Variants in NKAIN2 observed in about 807,000 individuals in gnomAD.
NKAIN2 encodes sodium/potassium transporting ATPase interacting 2.
A neutral mutation model predicts 32.6 loss-of-function variants in NKAIN2; 14 were observed. The observed-to-expected ratio is 0.43, with a 90% CI of 0.28 to 0.67. NKAIN2 has a LOEUF of 0.67. NKAIN2 is among the 30% of genes least tolerant of loss of function. NKAIN2 has a pLI of 0.17. For missense variants in NKAIN2, 198 were observed against 258.3 expected (o/e 0.77, Z 1.60); for synonymous variants, 80 against 87.2 (o/e 0.92, Z 0.46).
chr6:124,571,664 G>GGT (rs1781132931), intron 3 of NKAIN2, among the ~76,000 whole-genome samples: 1 of 151,966 alleles, frequency 6.6e-6, no homozygotes, highest in Non-Finnish European at 1.5e-5. Flanking sequence ...CCCAGTCTTG[G>GGT]GTATGTCTTT....
chr6:124,583,730 G>T (rs1781608094), intron 3 of NKAIN2, among the ~76,000 whole-genome samples: 1 of 152,158 alleles, frequency 6.6e-6, no homozygotes, highest in Non-Finnish European at 1.5e-5. Flanking sequence ...CACATTATTT[G>T]ATCTCAAATT....
At chr6:124,778,334 T>C (rs1244255009) in intron 4 of NKAIN2, among the ~76,000 whole-genome samples, 1 of 151,738 alleles carries the variant, frequency 6.6e-6, no homozygotes, top group Admixed American at 6.6e-5. Context: ...TAGCACTTGA[T>C]AGCAATTTTT....
chr6:124,169,225 T>A (rs1011046805), intron 1 of NKAIN2, among the ~76,000 whole-genome samples: 4 of 152,202 alleles, frequency 2.6e-5, no homozygotes, highest in African/African-American at 4.8e-5. Flanking sequence ...ATCTTGCTGA[T>A]AATAAATATA....
intron 3 of NKAIN2, among the ~76,000 whole-genome samples, chr6:124,446,213 A>T (rs1421212571): frequency 6.6e-6 from 1 of 152,150 alleles, no homozygotes; most frequent in African/African-American, 2.4e-5. Flanking sequence ...AGAGTGTCAC[A>T]TATACAAGAA....
chr6:124,432,372 T>C (rs1775256588), intron 3 of NKAIN2, among the ~76,000 whole-genome samples: 1 of 152,220 alleles, frequency 6.6e-6, no homozygotes, highest in Non-Finnish European at 1.5e-5. Flanking sequence ...TGTGCTTTTA[T>C]AGATCCTCAG....
chr6:124,687,054 C>T (rs1773924671), intron 4 of NKAIN2, among the ~76,000 whole-genome samples: 2 of 151,906 alleles, frequency 1.3e-5, no homozygotes, highest in South Asian at 4.2e-4. Context: ...CTGGAATTGG[C>T]TCTTCTTGCT....
chr6:124,606,530 TC>T (rs1322295724), intron 3 of NKAIN2, among the ~76,000 whole-genome samples: 1 of 152,106 alleles, frequency 6.6e-6, no homozygotes, highest in Non-Finnish European at 1.5e-5. Context: ...ATCTGCAACT[TC>T]TTTTATTGTA....
intron 1 of NKAIN2, among the ~76,000 whole-genome samples, chr6:124,127,030 T>C (rs965312412): frequency 2.0e-5 from 3 of 152,160 alleles, no homozygotes; most frequent in Admixed American, 6.5e-5. Context: ...TGATATGATA[T>C]GATATGTTTC....
At chr6:124,733,475 T>A (rs528409549) in intron 4 of NKAIN2, among the ~76,000 whole-genome samples, 2 of 151,976 alleles carry the variant, frequency 1.3e-5, no homozygotes, top group African/African-American at 4.8e-5. Flanking sequence ...TCTGGAAGAC[T>A]AAAGGAAAAA....
intron 1 of NKAIN2, among the ~76,000 whole-genome samples, chr6:124,022,893 A>T (rs1222925444): frequency 2.0e-5 from 3 of 152,050 alleles, no homozygotes; most frequent in Non-Finnish European, 4.4e-5. Flanking sequence ...CAAGAAAAAC[A>T]AACACAGTCA....
chr6:124,671,925 A>G (rs1449793169), intron 4 of NKAIN2, among the ~76,000 whole-genome samples: 1 of 152,048 alleles, frequency 6.6e-6, no homozygotes, highest in Non-Finnish European at 1.5e-5. Context: ...TTCTAAGTAC[A>G]GAATGGGGCA....
At chr6:124,534,408 C>T (rs1428597912) in intron 3 of NKAIN2, among the ~76,000 whole-genome samples, 2 of 152,146 alleles carry the variant, frequency 1.3e-5, no homozygotes. Context: ...GCCTTGGCCT[C>T]CCAAAGTGCT....
chr6:124,474,424 A>G lies in NKAIN2; in HGVS notation c.273+119077A>G, dbSNP rs376460771. ...GAACATGCTGTACAAGCTTCTTAAT[A>G]TGTCTCATTTGGAAGAACAAAGTGA... On this transcript the variant is annotated intron_variant, in intron 3 of 6. Transcript: ENST00000368417. 5.2e-4 allele frequency among the ~76,000 whole-genome samples: 79 copies of G among 152,208 alleles called. 1 individual carries two copies. Among genetic ancestry groups the G allele is most frequent in the South Asian group, 3.1e-3 (15 of 4,826 alleles).
At chr6:124,287,967 C>T (rs1217519817) in intron 2 of NKAIN2, among the ~76,000 whole-genome samples, 3 of 151,990 alleles carry the variant, frequency 2.0e-5, no homozygotes, top group Non-Finnish European at 4.4e-5. Flanking sequence ...CCCCCTCTCC[C>T]TTTCTTCCTT....
At chr6:124,408,741 T>TTGG (rs1305850451) in intron 3 of NKAIN2, among the ~76,000 whole-genome samples, 1 of 152,160 alleles carries the variant, frequency 6.6e-6, no homozygotes, top group Non-Finnish European at 1.5e-5. Flanking sequence ...AAGAAAGTCA[T>TTGG]TGGTAGCTTA....
intron 3 of NKAIN2, among the ~76,000 whole-genome samples, chr6:124,587,210 GGTAAA>G (rs1019211733): frequency 3.3e-5 from 5 of 152,188 alleles, no homozygotes; most frequent in African/African-American, 1.2e-4. Context: ...AAAAAGGAGG[GGTAAA>G]GTAGAGGTAG....
chr6:124,237,087 G>A (rs1280204289), intron 1 of NKAIN2, among the ~76,000 whole-genome samples: 2 of 152,232 alleles, frequency 1.3e-5, no homozygotes, highest in East Asian at 3.9e-4. Context: ...CGATCATTGA[G>A]ACATACTATG....
chr6:124,010,516 A>G (rs1042775179), intron 1 of NKAIN2, among the ~76,000 whole-genome samples: 3 of 150,604 alleles, frequency 2.0e-5, no homozygotes, highest in Non-Finnish European at 3.0e-5. Flanking sequence ...AGTGTGTCAT[A>G]CTAGATTCCT....
intron 3 of NKAIN2, among the ~76,000 whole-genome samples, chr6:124,423,417 T>G (rs555091499): frequency 6.6e-6 from 1 of 152,324 alleles, no homozygotes; most frequent in South Asian, 2.1e-4. Flanking sequence ...AAAATGTACA[T>G]AATAATACCT....
Sources: allele counts gnomAD v4.1 joint callset (sites outside exome capture counted in the v4.1 genomes callset), GRCh38; gene constraint gnomAD v4.1.1; transcripts MANE v1.5; gene names NCBI Gene and HGNC (gene_info 2026-07-23, HGNC 2026-07-21).